The following DHRSX variants were observed in gnomAD, a reference collection of about 807,000 sequenced individuals.
DHRSX encodes polyprenol dehydrogenase.
A neutral mutation model predicts 34.0 loss-of-function variants in DHRSX; 31 were observed. The observed-to-expected ratio is 0.91, with a 90% CI of 0.69 to 1.23. The LOEUF (loss-of-function observed/expected upper bound fraction) is 1.23, where lower values mean the gene tolerates loss of function less well. DHRSX is among the 50% of genes most tolerant of loss of function. The pLI, the probability that DHRSX is intolerant of heterozygous loss-of-function variation, is 0.00. For synonymous variants in DHRSX, 201 were observed against 183.8 expected (o/e 1.09, Z -0.76); for missense variants, 414 against 428.1 (o/e 0.97, Z 0.29).
At chrX:2,334,340 T>C (rs1285580799) in intron 3 of DHRSX, 1 of 151,842 alleles carries the variant, frequency 6.6e-6, no homozygotes, top group African/African-American at 2.4e-5. Flanking sequence ...AATATTGGTA[T>C]TTTTAGTAGA....
At chrX:2,436,415 T>C (rs1161349650) in intron 1 of DHRSX, among the ~76,000 whole-genome samples, 1 of 150,916 alleles carries the variant, frequency 6.6e-6, no homozygotes, top group African/African-American at 2.4e-5. Flanking sequence ...ATCATGAGGT[T>C]GGTGCAAAAG....
chrX:2,406,076 G>A (rs186717054), intron 3 of DHRSX, among the ~76,000 whole-genome samples: 8 of 152,218 alleles, frequency 5.3e-5, no homozygotes, highest in East Asian at 3.9e-4. Context: ...AACGGATCAC[G>A]AGGTCAGGAG....
At position 2,488,643 on chromosome X, in the gene DHRSX, A is replaced by C; in HGVS notation, c.109+12174T>G. ...GACAACACGCTTCCTCGCTACAGGA[A>C]GCTGCTGTCCCTAATGCCAAAGAAA... On this transcript the variant is annotated intron_variant, in intron 1 of 6. Coordinates refer to ENST00000334651, the MANE Select transcript of DHRSX (RefSeq NM_145177.3). 1.9e-6 allele frequency: 3 copies of C among 1,600,842 alleles called. No individual in the cohort carries two copies. The African/African-American group carries it at 4.0e-5, about 22-fold the overall frequency.
At chrX:2,327,931 T>A (rs2042407404) in intron 3 of DHRSX, among the ~76,000 whole-genome samples, 4 of 151,488 alleles carry the variant, frequency 2.6e-5, no homozygotes, top group Non-Finnish European at 5.9e-5. Context: ...ATAGAAAAAA[T>A]TAGCTAGGCA....
At chrX:2,491,831 A>C (rs751457346) in intron 1 of DHRSX, among the ~76,000 whole-genome samples, 22 of 152,208 alleles carry the variant, frequency 1.4e-4, no homozygotes, top group African/African-American at 2.2e-4. Flanking sequence ...AACATCAGGC[A>C]GTCGGTGTGG....
At chrX:2,468,628 T>G (rs1282064274) in intron 1 of DHRSX, among the ~76,000 whole-genome samples, 1 of 151,350 alleles carries the variant, frequency 6.6e-6, no homozygotes, top group Non-Finnish European at 1.5e-5. Flanking sequence ...ACCGCCGCCA[T>G]GTACACACTG....
intron 2 of DHRSX, among the ~76,000 whole-genome samples, chrX:2,421,529 C>G (rs955265629): frequency 1.1e-4 from 17 of 152,198 alleles, no homozygotes; most frequent in Non-Finnish European, 2.4e-4. Flanking sequence ...CCAGGGAGAC[C>G]AGAAGGCCAC....
chrX:2,403,766 G>A (rs1442186858), intron 3 of DHRSX, among the ~76,000 whole-genome samples: 1 of 150,738 alleles, frequency 6.6e-6, no homozygotes, highest in Non-Finnish European at 1.5e-5. Context: ...TGAGGCAGGA[G>A]AATCGCTTGA....
At chrX:2,257,025 C>T (rs1370088855) in intron 5 of DHRSX, among the ~76,000 whole-genome samples, 1 of 152,224 alleles carries the variant, frequency 6.6e-6, no homozygotes, top group African/African-American at 2.4e-5. Context: ...TCTTGGCTCA[C>T]TGCAACCTCT....
chrX:2,371,568 C>CCATTACCATAGTACCTCCTT (rs2043069822), intron 3 of DHRSX, among the ~76,000 whole-genome samples: 1 of 151,306 alleles, frequency 6.6e-6, no homozygotes, highest in Non-Finnish European at 1.5e-5. Context: ...GTCCCTCCTT[C>CCATTACCATAGTACCTCCTT]CATTACCATA....
At chrX:2,382,792 TCATCATCAC>T (rs1193230036) in intron 3 of DHRSX, among the ~76,000 whole-genome samples, 3 of 120,690 alleles carry the variant, frequency 2.5e-5, no homozygotes, top group Non-Finnish European at 4.9e-5. Flanking sequence ...ATCATCACCA[TCATCATCAC>T]CATCACCGTC....
intron 3 of DHRSX, among the ~76,000 whole-genome samples, chrX:2,397,770 C>T (rs1216943654): frequency 6.6e-6 from 1 of 152,036 alleles, no homozygotes; most frequent in Non-Finnish European, 1.5e-5. Context: ...TCGTTACGGG[C>T]GGGATGGAAA....
intron 1 of DHRSX, among the ~76,000 whole-genome samples, chrX:2,471,696 A>T (rs773963585): frequency 7.2e-5 from 11 of 152,174 alleles, no homozygotes; most frequent in African/African-American, 2.2e-4. Flanking sequence ...AATTGCAATC[A>T]CTCCACAGTT....
At chrX:2,483,140 C>G (rs2044799469) in intron 1 of DHRSX, among the ~76,000 whole-genome samples, 2 of 152,140 alleles carry the variant, frequency 1.3e-5, no homozygotes, top group Non-Finnish European at 2.9e-5. Context: ...GGCTGCACGA[C>G]AGTGATGCAA....
At chrX:2,320,729 C>A (rs1436435070) in intron 3 of DHRSX, among the ~76,000 whole-genome samples, 1 of 151,138 alleles carries the variant, frequency 6.6e-6, no homozygotes, top group Non-Finnish European at 1.5e-5. Context: ...AGTTGAAAGT[C>A]AACAACATGG....
chrX:2,295,834 C>T (rs893572575), intron 3 of DHRSX, among the ~76,000 whole-genome samples: 5 of 152,182 alleles, frequency 3.3e-5, no homozygotes, highest in African/African-American at 4.8e-5. Flanking sequence ...GCGGTTCCGG[C>T]ATGTGGCAAT....
chrX:2,304,016 G>T (rs1389305355), intron 3 of DHRSX, among the ~76,000 whole-genome samples: 3 of 138,998 alleles, frequency 2.2e-5, no homozygotes, highest in Non-Finnish European at 4.7e-5. Flanking sequence ...TGGACGGATG[G>T]ATGAACTGAT....
At chrX:2,426,388 CTCCT>C (rs2043846771) in intron 1 of DHRSX, among the ~76,000 whole-genome samples, 2 of 147,140 alleles carry the variant, frequency 1.4e-5, no homozygotes, top group Admixed American at 6.8e-5. Context: ...TCCTTCCTTC[CTCCT>C]TCCTTCTCTT....
chrX:2,255,363 A>C (rs1347503434), intron 5 of DHRSX, among the ~76,000 whole-genome samples: 4 of 152,150 alleles, frequency 2.6e-5, no homozygotes, highest in Non-Finnish European at 5.9e-5. Flanking sequence ...GGAACATGTG[A>C]AACCTTGAGT....
Sources: gnomAD v4.1 joint callset for allele counts (sites outside exome capture counted in the v4.1 genomes callset) on GRCh38, gnomAD v4.1.1 for gene constraint, MANE v1.5 for transcripts, NCBI Gene and HGNC (gene_info 2026-07-23, HGNC 2026-07-21) for gene names.